AGTPBP1: variants seen among roughly 807,000 people sequenced by gnomAD.
The protein encoded by AGTPBP1 is cytosolic carboxypeptidase 1.
AGTPBP1 carries 70 observed loss-of-function variants against 143.9 expected under a neutral mutation model. The ratio of observed to expected loss-of-function variants is 0.49; its 90% confidence interval spans 0.40 to 0.59. The LOEUF (loss-of-function observed/expected upper bound fraction) is 0.59. Ranked by LOEUF, AGTPBP1 falls within the 20% of genes least tolerant of loss-of-function variation. The pLI is 0.00. For missense variants in AGTPBP1, 1,229 were observed against 1,464.5 expected (o/e 0.84, Z 2.62); for synonymous variants, 463 against 500.2 (o/e 0.93, Z 0.99).
chr9:85,654,003 T>G (rs1833332931), intron 11 of AGTPBP1, among the ~76,000 whole-genome samples: 1 of 152,220 alleles, frequency 6.6e-6, no homozygotes, highest in Admixed American at 6.5e-5. Flanking sequence ...TTGTGTCAAC[T>G]TGTTTTAATA....
intron 3 of AGTPBP1, among the ~76,000 whole-genome samples, chr9:85,689,989 A>G (rs1166496256): frequency 6.8e-6 from 1 of 147,990 alleles, no homozygotes; most frequent in Non-Finnish European, 1.5e-5. Context: ...GTCAAATACC[A>G]GGTACAATTT....
At chr9:85,584,010 C>T (rs1419194217) in intron 23 of AGTPBP1, among the ~76,000 whole-genome samples, 3 of 151,770 alleles carry the variant, frequency 2.0e-5, no homozygotes, top group Admixed American at 6.6e-5. Flanking sequence ...CAAGCAGAAA[C>T]GACTGGGTGA....
At chr9:85,636,006 A>C (rs887290743) in intron 13 of AGTPBP1, among the ~76,000 whole-genome samples, 1 of 152,112 alleles carries the variant, frequency 6.6e-6, no homozygotes, top group Admixed American at 6.6e-5. Flanking sequence ...TTGAGGATTC[A>C]ATCTATAATG....
At chr9:85,641,692 T>G (rs1220641337) in intron 13 of AGTPBP1, among the ~76,000 whole-genome samples, 1 of 151,850 alleles carries the variant, frequency 6.6e-6, no homozygotes, top group Non-Finnish European at 1.5e-5. Context: ...AAATTCTAGG[T>G]GATAAATGTT....
At chr9:85,732,486 C>T (rs1315606757) in intron 1 of AGTPBP1, among the ~76,000 whole-genome samples, 1 of 151,874 alleles carries the variant, frequency 6.6e-6, no homozygotes, top group African/African-American at 2.4e-5. Flanking sequence ...TTTGAAGAAA[C>T]CACTTTATGA....
chr9:85,640,843 T>C (rs1832414703), intron 13 of AGTPBP1, among the ~76,000 whole-genome samples: 1 of 152,240 alleles, frequency 6.6e-6, no homozygotes, highest in South Asian at 2.1e-4. Flanking sequence ...AAATCAAAAC[T>C]ACAATCTGTA....
chr9:85,738,857 A>G (rs1473536779), intron 1 of AGTPBP1, among the ~76,000 whole-genome samples: 1 of 152,004 alleles, frequency 6.6e-6, no homozygotes. Flanking sequence ...TCCATCCCCC[A>G]AAAGTCCTTT....
intron 1 of AGTPBP1, among the ~76,000 whole-genome samples, chr9:85,739,058 C>T (rs1824034282): frequency 6.6e-6 from 1 of 151,868 alleles, no homozygotes; most frequent in African/African-American, 2.4e-5. Context: ...AATTAAAGTA[C>T]AAAAAGGACA....
At chr9:85,558,763 C>A (rs1323498244) in intron 25 of AGTPBP1, among the ~76,000 whole-genome samples, 1 of 152,074 alleles carries the variant, frequency 6.6e-6, no homozygotes, top group African/African-American at 2.4e-5. Flanking sequence ...GGACTACAGG[C>A]ACCTGTCACC....
At chr9:85,558,743 C>T (rs1436660532) in intron 25 of AGTPBP1, among the ~76,000 whole-genome samples, 1 of 152,078 alleles carries the variant, frequency 6.6e-6, no homozygotes, top group African/African-American at 2.4e-5. Context: ...CTCAGCCTCC[C>T]GAGTAGCTGG....
At chr9:85,686,745 T>C (rs1444217451) in intron 3 of AGTPBP1, among the ~76,000 whole-genome samples, 10 of 152,128 alleles carry the variant, frequency 6.6e-5, no homozygotes, top group Admixed American at 6.5e-4. Context: ...TGGAATTAAG[T>C]ACACTGTAAA....
chr9:85,695,653 C>T (rs1357102319), intron 2 of AGTPBP1, among the ~76,000 whole-genome samples: 1 of 152,092 alleles, frequency 6.6e-6, no homozygotes, highest in East Asian at 1.9e-4. Context: ...ATTCTGTGTG[C>T]ATAAAATCAT....
chr9:85,764,106 T>C, the AGTPBP1 span, among the ~76,000 whole-genome samples: 1 of 151,852 alleles, frequency 6.6e-6, no homozygotes, highest in African/African-American at 2.4e-5. Context: ...AAAGAAAAGT[T>C]CAATTTAGAA....
chr9:85,651,355 T>C (rs1480538967), intron 11 of AGTPBP1, among the ~76,000 whole-genome samples: 1 of 152,226 alleles, frequency 6.6e-6, no homozygotes, highest in Non-Finnish European at 1.5e-5. Flanking sequence ...TTTGGATTAT[T>C]TGTATAATTT....
chr9:85,575,255 T>C (rs1827823331), intron 25 of AGTPBP1, 60 bp downstream of exon 25: 2 of 1,340,268 alleles, frequency 1.5e-6, no homozygotes, highest in Admixed American at 5.5e-5. Flanking sequence ...TTTTCTGCTA[T>C]TTTAATGAAG....
the AGTPBP1 span, among the ~76,000 whole-genome samples, chr9:85,800,438 A>G: frequency 6.6e-6 from 1 of 152,176 alleles, no homozygotes; most frequent in Non-Finnish European, 1.5e-5. Flanking sequence ...TCACTTTGGC[A>G]GCTTTGGTAA....
intron 17 of AGTPBP1, among the ~76,000 whole-genome samples, chr9:85,607,277 T>C (rs1345574145): frequency 2.0e-5 from 3 of 152,116 alleles, no homozygotes; most frequent in South Asian, 4.1e-4. Context: ...TGTGTTCTAA[T>C]GTTATAAAAA....
Position 85,651,816 on chromosome 9 carries a change from G to A in AGTPBP1, c.1087+3327C>T, listed in dbSNP as rs370911316. Reference sequence around the variant, plus strand: ...GAAGAATAAGTATCAAGGCCAGCTCGATTCATTTATTCAACAAACATTAAA... The same window carrying A: ...GAAGAATAAGTATCAAGGCCAGCTCAATTCATTTATTCAACAAACATTAAA... On this transcript the variant is annotated intron_variant, in intron 11 of 25. Coordinates refer to ENST00000357081, the MANE Select transcript of AGTPBP1 (RefSeq NM_001330701.2). Among the ~76,000 whole-genome samples the A allele has an allele frequency of 1.6e-4, 25 of 152,262 alleles. 1 individual carries two copies. The highest frequency in any genetic ancestry group is 5.8e-4 in the African/African-American group (24 of 41,552).
chr9:85,688,856 T>A (rs1420698270), intron 3 of AGTPBP1, among the ~76,000 whole-genome samples: 1 of 152,218 alleles, frequency 6.6e-6, no homozygotes, highest in Non-Finnish European at 1.5e-5. Context: ...TGAAACAAAA[T>A]TAGCTTACCT....
Sources: gnomAD v4.1 joint callset for allele counts (sites outside exome capture counted in the v4.1 genomes callset) on GRCh38, gnomAD v4.1.1 for gene constraint, MANE v1.5 for transcripts, NCBI Gene and HGNC (gene_info 2026-07-23, HGNC 2026-07-21) for gene names.